The following KCTD1 variants were observed in gnomAD, a reference collection of about 807,000 sequenced individuals.
The protein encoded by KCTD1 is potassium channel tetramerization domain containing 1.
KCTD1 carries 24 observed loss-of-function variants against 66.0 expected under a neutral mutation model. That is an observed-to-expected ratio of 0.36 (90% CI 0.26 to 0.51). The LOEUF is 0.51. Ranked by LOEUF, KCTD1 falls within the 20% of genes least tolerant of loss-of-function variation. KCTD1 has a pLI of 0.95. For missense variants in KCTD1, 943 were observed against 1,205.2 expected (o/e 0.78, Z 3.22); for synonymous variants, 511 against 517.2 (o/e 0.99, Z 0.16).
At chr18:26,565,046 T>C (rs553157854) in intron 1 of KCTD1, among the ~76,000 whole-genome samples, 52 of 152,320 alleles carry the variant, frequency 3.4e-4, no homozygotes, top group African/African-American at 1.0e-3. Flanking sequence ...TTCTAAAAAG[T>C]TGACCAACTT....
At chr18:26,593,011 C>T (rs777293133) in intron 1 of KCTD1, among the ~76,000 whole-genome samples, 139 of 152,336 alleles carry the variant, frequency 9.1e-4, no homozygotes, top group Non-Finnish European at 1.5e-3. Context: ...CCTTCCCTCC[C>T]GCTTCCTCAC....
intron 1 of KCTD1, among the ~76,000 whole-genome samples, chr18:26,636,053 G>A (rs989318585): frequency 6.6e-6 from 1 of 152,156 alleles, no homozygotes; most frequent in African/African-American, 2.4e-5. Context: ...GAGGGGTTAA[G>A]GAATGAGTGG....
At chr18:26,583,103 G>A (rs1021574490) in intron 1 of KCTD1, among the ~76,000 whole-genome samples, 2 of 151,978 alleles carry the variant, frequency 1.3e-5, no homozygotes, top group African/African-American at 2.4e-5. Flanking sequence ...ATAAAAGAGA[G>A]CAAAAGTAGG....
chr18:26,517,452 T>C (rs1983707499), intron 1 of KCTD1, among the ~76,000 whole-genome samples: 1 of 152,076 alleles, frequency 6.6e-6, no homozygotes, highest in African/African-American at 2.4e-5. Context: ...GGTTGAGAGT[T>C]GGAGACCAGC....
At chr18:26,488,984 T>C (rs1445579453) in intron 2 of KCTD1, among the ~76,000 whole-genome samples, 1 of 152,198 alleles carries the variant, frequency 6.6e-6, no homozygotes, top group Admixed American at 6.5e-5. Context: ...AGCTTCCAGG[T>C]GCCTACTGTT....
chr18:26,604,759 G>T (rs1986975064), intron 1 of KCTD1, among the ~76,000 whole-genome samples: 1 of 152,170 alleles, frequency 6.6e-6, no homozygotes. Flanking sequence ...TGGGAGGAGG[G>T]AGAGGAGCAG....
chr18:26,631,770 C>T (rs1269453297), upstream of KCTD1, among the ~76,000 whole-genome samples: 1 of 152,098 alleles, frequency 6.6e-6, no homozygotes, highest in African/African-American at 2.4e-5. Flanking sequence ...ATTTCATGGC[C>T]GGGCGCGGTG....
At chr18:26,590,510 C>T (rs73403326) in intron 1 of KCTD1, among the ~76,000 whole-genome samples, 2,272 of 152,190 alleles carry the variant, frequency 0.015, 37 homozygotes, top group African/African-American at 0.049. Context: ...TTAGAAAGGT[C>T]GCTGATCAAG....
At chr18:26,496,335 GTAA>G (rs753053367) in intron 2 of KCTD1, among the ~76,000 whole-genome samples, 1 of 152,038 alleles carries the variant, frequency 6.6e-6, no homozygotes, top group Non-Finnish European at 1.5e-5. Flanking sequence ...TTTTTTGGTG[GTAA>G]TATATTTTTC....
intron 2 of KCTD1, among the ~76,000 whole-genome samples, chr18:26,498,049 G>A (rs777069298): frequency 7.2e-5 from 11 of 152,200 alleles, no homozygotes; most frequent in Non-Finnish European, 1.5e-4. Context: ...CAGGGCCACG[G>A]TGTGCTTTTC....
At chr18:26,617,914 G>A (rs1425321077) in intron 1 of KCTD1, among the ~76,000 whole-genome samples, 1 of 147,800 alleles carries the variant, frequency 6.8e-6, no homozygotes, top group African/African-American at 2.5e-5. Flanking sequence ...GAGGGAGAGG[G>A]AAACAAAAAG....
At chr18:26,543,440 C>T (rs1985067809) in intron 1 of KCTD1, 1 of 152,232 alleles carries the variant, frequency 6.6e-6, no homozygotes, top group Non-Finnish European at 1.5e-5. Context: ...TTCAATAATA[C>T]ATAAAATGCA....
In KCTD1 at chr18:26,500,251, AC is replaced by A. The variant is rs563721036; in HGVS notation, c.1988+820del. 1.9e-3 allele frequency among the ~76,000 whole-genome samples: 278 copies of A among 149,266 alleles called. 7 individuals are homozygous for A. The East Asian group carries it at 0.027, about 14-fold the overall frequency. On this transcript the variant is annotated intron_variant, in intron 2 of 4. Coordinates refer to ENST00000580059, the MANE Select transcript of KCTD1 (RefSeq NM_001142730.3). ...GGGAACACAGTCTGACCCTGTCTCT[AC>A]AAAAAATTTAAAAAAAAAAAAGCTG...
At chr18:26,513,533 C>T (rs1303208504) in intron 1 of KCTD1, among the ~76,000 whole-genome samples, 1 of 152,196 alleles carries the variant, frequency 6.6e-6, no homozygotes, top group African/African-American at 2.4e-5. Flanking sequence ...GAGTAAGGTA[C>T]CTAAACTCAG....
chr18:26,570,191 A>AAATATATATATATATATATATAT (rs776923644), intron 1 of KCTD1, among the ~76,000 whole-genome samples: 1 of 132,544 alleles, frequency 7.5e-6, no homozygotes, highest in Non-Finnish European at 1.6e-5. Flanking sequence ...ATCTAAAAAA[A>AAATATATATATATATATATATAT]ATATATATAT....
At chr18:26,636,633 A>C (rs960442201) in intron 1 of KCTD1, among the ~76,000 whole-genome samples, 1 of 152,324 alleles carries the variant, frequency 6.6e-6, no homozygotes. Flanking sequence ...CTTTTGCATC[A>C]ACGAATACCT....
chr18:26,655,224 A>G (rs1598987138), intron 1 of KCTD1, among the ~76,000 whole-genome samples: 1 of 152,156 alleles, frequency 6.6e-6, no homozygotes, highest in Non-Finnish European at 1.5e-5. Context: ...TACACACAAA[A>G]CAGGAGGTCT....
At chr18:26,546,609 G>A in intron 1 of KCTD1, 119 bp downstream of exon 1, 1 of 1,184,462 alleles carries the variant, frequency 8.4e-7, no homozygotes, top group Non-Finnish European at 1.1e-6. Flanking sequence ...AACGAAATCC[G>A]ATTCAGTACA....
At chr18:26,521,313 T>C (rs1309820912) in intron 1 of KCTD1, among the ~76,000 whole-genome samples, 1 of 152,240 alleles carries the variant, frequency 6.6e-6, no homozygotes, top group African/African-American at 2.4e-5. Context: ...ACAGTGGACT[T>C]GTGACACTTC....
Sources: allele counts gnomAD v4.1 joint callset (sites outside exome capture counted in the v4.1 genomes callset), GRCh38; gene constraint gnomAD v4.1.1; transcripts MANE v1.5; gene names NCBI Gene and HGNC (gene_info 2026-07-23, HGNC 2026-07-21).